The following NEK1 variants were observed in gnomAD, a reference collection of about 807,000 sequenced individuals.
NEK1 encodes NIMA related kinase 1.
NEK1 carries 137 observed loss-of-function variants against 182.1 expected under a neutral mutation model. That is an observed-to-expected ratio of 0.75 (90% CI 0.65 to 0.87). NEK1 has a LOEUF of 0.87. Among genes scored for constraint, NEK1 ranks in the 40% least tolerant of loss-of-function variants. NEK1 has a pLI of 0.00. For missense variants in NEK1, 1,391 were observed against 1,494.4 expected (o/e 0.93, Z 1.14); for synonymous variants, 513 against 492.2 (o/e 1.04, Z -0.56).
At chr4:169,485,945 C>G (rs1748957450) in intron 23 of NEK1, among the ~76,000 whole-genome samples, 1 of 152,046 alleles carries the variant, frequency 6.6e-6, no homozygotes, top group African/African-American at 2.4e-5. Flanking sequence ...TATAGACAGG[C>G]TGAGGCAGGA....
At position 169,433,680 on chromosome 4, in the gene NEK1, C is replaced by T. The variant is rs374062774; in HGVS notation, c.2765-15G>A. ...ATCATCAGGTTCTGCAAAGGATAAACGTAACGAGAGACATCTCAAAGCAAA... is the reference window on the plus strand; with the variant it reads ...ATCATCAGGTTCTGCAAAGGATAAATGTAACGAGAGACATCTCAAAGCAAA... On this transcript the variant is annotated splice_polypyrimidine_tract_variant and intron_variant, in intron 28 of 35. Transcript: ENST00000507142. 114 of 1,610,840 alleles carry T rather than the reference C, an allele frequency of 7.1e-5. No homozygotes were observed. The highest frequency in any genetic ancestry group is 8.5e-5 in the Non-Finnish European group (100 of 1,178,848).
chr4:169,516,263 G>A lies in NEK1; in HGVS notation c.1666-7411C>T, dbSNP rs1239988825. Among the ~76,000 whole-genome samples the A allele has an allele frequency of 2.0e-5, 2 of 102,484 alleles. 1 individual carries two copies. Among genetic ancestry groups the A allele is most frequent in the East Asian group, 6.1e-4 (2 of 3,298 alleles). The allele number at this position is 102,484 out of a possible 152,430, so 67.2% of individuals were successfully genotyped here. On this transcript the variant is annotated intron_variant, in intron 19 of 35. Coordinates refer to ENST00000507142, the MANE Select transcript of NEK1 (RefSeq NM_001199397.3). ...TTTCTCTGATGGCCAGTGATGATGA[G>A]CATTTCTTCATGTGTTTTTTGGCTG...
chr4:169,577,711 G>A (rs1341129957), intron 11 of NEK1, among the ~76,000 whole-genome samples: 6 of 152,032 alleles, frequency 3.9e-5, no homozygotes, highest in South Asian at 2.1e-4. Context: ...CCGAGATTGC[G>A]CCACTGCACT....
intron 31 of NEK1, among the ~76,000 whole-genome samples, chr4:169,415,847 T>A (rs1002153686): frequency 6.6e-6 from 1 of 152,142 alleles, no homozygotes; most frequent in Non-Finnish European, 1.5e-5. Flanking sequence ...CCCTTTAAAG[T>A]ACATTAAAGG....
chr4:169,395,705 T>C (rs563922384), intron 35 of NEK1, among the ~76,000 whole-genome samples: 27 of 152,326 alleles, frequency 1.8e-4, no homozygotes, highest in African/African-American at 6.0e-4. Context: ...CTTTTGGCCA[T>C]AGTGGTTTGG....
At chr4:169,418,591 C>T (rs558041500) in intron 31 of NEK1, among the ~76,000 whole-genome samples, 3 of 152,040 alleles carry the variant, frequency 2.0e-5, no homozygotes, top group Admixed American at 1.3e-4. Flanking sequence ...AGATAAAACA[C>T]ACAATATCGA....
At chr4:169,601,747 A>T (rs1448465789) in intron 4 of NEK1, among the ~76,000 whole-genome samples, 1 of 152,112 alleles carries the variant, frequency 6.6e-6, no homozygotes, top group Non-Finnish European at 1.5e-5. Flanking sequence ...GAGGCATAAG[A>T]ATCACTTGAA....
At chr4:169,508,128 A>G in intron 21 of NEK1, 120 bp downstream of exon 21, 1 of 824,132 alleles carries the variant, frequency 1.2e-6, no homozygotes, top group Non-Finnish European at 1.9e-6. Flanking sequence ...TGATCTTTGA[A>G]CTTCCACTGT....
chr4:169,500,663 T>A (rs1752267152), intron 23 of NEK1, among the ~76,000 whole-genome samples: 1 of 152,182 alleles, frequency 6.6e-6, no homozygotes, highest in Non-Finnish European at 1.5e-5. Flanking sequence ...CCAAGCTAAG[T>A]AAGCTTCATA....
At chr4:169,577,183 A>T in intron 11 of NEK1, 104 bp from the exon 12 acceptor site, 1 of 1,096,724 alleles carries the variant, frequency 9.1e-7, no homozygotes, top group South Asian at 1.5e-5. Flanking sequence ...AATCATTGAT[A>T]GTATTTTAAA....
In NEK1 at chr4:169,420,443, C is replaced by G. The variant is rs1735295532; in HGVS notation, c.3222+4110G>C. ...TAGGTACTGTACATAATTGTATGTC[C>G]TAAACTTTTATAGGACTAGCAGTGT... On this transcript the variant is annotated intron_variant, in intron 31 of 35. Transcript: ENST00000507142. 2.6e-5 allele frequency among the ~76,000 whole-genome samples: 4 copies of G among 152,074 alleles called. No homozygotes were observed. The South Asian group carries it at 8.3e-4, about 32-fold the overall frequency.
At chr4:169,576,068 G>T (rs1402795780) in intron 12 of NEK1, among the ~76,000 whole-genome samples, 1 of 151,696 alleles carries the variant, frequency 6.6e-6, no homozygotes, top group Non-Finnish European at 1.5e-5. Context: ...CGGTTCAAGT[G>T]ATTCTCCCAC....
intron 12 of NEK1, among the ~76,000 whole-genome samples, chr4:169,564,155 T>G (rs1427559146): frequency 6.6e-6 from 1 of 152,112 alleles, no homozygotes; most frequent in Non-Finnish European, 1.5e-5. Flanking sequence ...AAGATAAAAA[T>G]TTATAGAAAA....
At chr4:169,396,663 G>A (rs904907353) in intron 35 of NEK1, among the ~76,000 whole-genome samples, 3 of 152,170 alleles carry the variant, frequency 2.0e-5, no homozygotes, top group African/African-American at 7.2e-5. Flanking sequence ...AGTATCAGGA[G>A]AGTTAAATAG....
At chr4:169,596,421 A>T (rs958273655) in intron 5 of NEK1, among the ~76,000 whole-genome samples, 1 of 152,198 alleles carries the variant, frequency 6.6e-6, no homozygotes, top group Non-Finnish European at 1.5e-5. Flanking sequence ...ATGTGGGGAG[A>T]CTATCAAAAA....
At position 169,561,743 on chromosome 4, in the gene NEK1, A is replaced by C; in HGVS notation, c.1141-6T>G. The C allele has an allele frequency of 6.3e-7, 1 of 1,583,056 alleles. No individual in the cohort carries two copies. Among genetic ancestry groups the C allele is most frequent in the Non-Finnish European group, 8.6e-7 (1 of 1,162,532 alleles). ...GCCTTCATTAAACTAATAATCTGTA[A>C]CAATTTTAAAGACAAGCTTCTTACA... is the stretch of plus-strand genomic sequence containing the variant. On this transcript the variant is annotated splice_region_variant and splice_polypyrimidine_tract_variant and intron_variant, in intron 14 of 35. Coordinates refer to ENST00000507142, the MANE Select transcript of NEK1 (RefSeq NM_001199397.3).
chr4:169,611,189 C>T (rs934340548), intron 2 of NEK1, among the ~76,000 whole-genome samples: 7 of 152,164 alleles, frequency 4.6e-5, no homozygotes, highest in Admixed American at 1.3e-4. Flanking sequence ...TGTCAATGTA[C>T]TATTCACACG....
intron 31 of NEK1, among the ~76,000 whole-genome samples, chr4:169,415,544 C>T (rs1734401981): frequency 1.3e-5 from 2 of 152,164 alleles, no homozygotes; most frequent in Admixed American, 6.5e-5. Flanking sequence ...AAAATAGTTG[C>T]TAATGGCTTG....
intron 9 of NEK1, among the ~76,000 whole-genome samples, chr4:169,587,173 T>C (rs1767674572): frequency 6.6e-6 from 1 of 152,002 alleles, no homozygotes; most frequent in South Asian, 2.1e-4. Flanking sequence ...GTATATGGAA[T>C]GAAATTCTTT....
Sources: allele counts gnomAD v4.1 joint callset (sites outside exome capture counted in the v4.1 genomes callset), GRCh38; gene constraint gnomAD v4.1.1; transcripts MANE v1.5; gene names NCBI Gene and HGNC (gene_info 2026-07-23, HGNC 2026-07-21).